The following SYT16 variants were observed in gnomAD, a reference collection of about 807,000 sequenced individuals.
SYT16 encodes the protein synaptotagmin-16.
SYT16 carries 42 observed loss-of-function variants against 61.4 expected under a neutral mutation model. That is an observed-to-expected ratio of 0.68 (90% CI 0.53 to 0.89). The LOEUF (loss-of-function observed/expected upper bound fraction) is 0.89. SYT16 is among the 40% of genes least tolerant of loss of function. The pLI is 0.00. For synonymous variants in SYT16, 314 were observed against 302.3 expected, an observed-to-expected ratio of 1.04 and a Z score of -0.40; for missense variants, 804 against 807.3, an observed-to-expected ratio of 1.00 and a Z score of 0.05.
chr14:62,097,262 G>T (rs1283810645), intron 7 of SYT16, among the ~76,000 whole-genome samples: 3 of 152,090 alleles, frequency 2.0e-5, no homozygotes, highest in African/African-American at 7.2e-5. Context: ...GCTGTCAAGG[G>T]ATTATGACCC....
At chr14:61,987,744 C>CTT (rs35325262) in intron 2 of SYT16, among the ~76,000 whole-genome samples, 904 of 65,716 alleles carry the variant, frequency 0.014, 6 homozygotes, top group African/African-American at 0.039. Flanking sequence ...GATTTTTTTC[C>CTT]TTTTTTTTTT....
chr14:61,994,430 C>G (rs1050612513), intron 2 of SYT16, among the ~76,000 whole-genome samples: 1 of 152,132 alleles, frequency 6.6e-6, no homozygotes, highest in Non-Finnish European at 1.5e-5. Context: ...CTAGGTGTTT[C>G]TGACACACCA....
chr14:61,954,459 A>G (rs999787119), intron 1 of SYT16, among the ~76,000 whole-genome samples: 1 of 152,092 alleles, frequency 6.6e-6, no homozygotes, highest in African/African-American at 2.4e-5. Context: ...AGATGGGGCT[A>G]TCCAGTGGCA....
At chr14:61,873,478 G>C (rs567407732) in intron 1 of SYT16, among the ~76,000 whole-genome samples, 4 of 151,972 alleles carry the variant, frequency 2.6e-5, no homozygotes, top group Admixed American at 2.6e-4. Flanking sequence ...CCCTTCCTTC[G>C]TACTTACTGC....
At chr14:61,894,537 C>T (rs900792011) in intron 1 of SYT16, among the ~76,000 whole-genome samples, 6 of 152,282 alleles carry the variant, frequency 3.9e-5, no homozygotes, top group African/African-American at 1.4e-4. Context: ...TGAACTCCCA[C>T]ACAGAAGGTG....
At chr14:62,080,239 C>T (rs1245011307) in intron 5 of SYT16, among the ~76,000 whole-genome samples, 1 of 152,238 alleles carries the variant, frequency 6.6e-6, no homozygotes, top group Non-Finnish European at 1.5e-5. Context: ...CCAGAAATGG[C>T]AGGATCTCAA....
intron 1 of SYT16, among the ~76,000 whole-genome samples, chr14:61,879,023 T>C (rs1319132717): frequency 2.6e-5 from 4 of 152,192 alleles, no homozygotes; most frequent in Admixed American, 2.6e-4. Context: ...GTGCTACCAC[T>C]GTAAGCTATG....
chr14:62,043,945 T>C (rs1480276606), intron 3 of SYT16, among the ~76,000 whole-genome samples: 2 of 152,144 alleles, frequency 1.3e-5, no homozygotes, highest in Admixed American at 1.3e-4. Context: ...AGTGCTGGGA[T>C]TACAGGCATG....
At chr14:62,080,575 A>T (rs1470229575) in intron 5 of SYT16, among the ~76,000 whole-genome samples, 1 of 152,244 alleles carries the variant, frequency 6.6e-6, no homozygotes, top group Admixed American at 6.5e-5. Context: ...ATATGAAAAC[A>T]CTTTGCAAAA....
intron 2 of SYT16, among the ~76,000 whole-genome samples, chr14:61,995,660 C>T (rs1332236199): frequency 6.6e-6 from 1 of 152,116 alleles, no homozygotes; most frequent in African/African-American, 2.4e-5. Flanking sequence ...GAACCCATTA[C>T]TGCTAATGGA....
At chr14:61,916,835 A>G (rs1207710166) in intron 1 of SYT16, among the ~76,000 whole-genome samples, 4 of 152,134 alleles carry the variant, frequency 2.6e-5, no homozygotes, top group Non-Finnish European at 5.9e-5. Flanking sequence ...AAGTAAGAAC[A>G]TGAGATATTT....
intron 2 of SYT16, among the ~76,000 whole-genome samples, chr14:61,977,592 T>C (rs1431828887): frequency 3.3e-5 from 5 of 152,158 alleles, no homozygotes; most frequent in African/African-American, 1.2e-4. Flanking sequence ...ATGTTTCAGT[T>C]ACCTCCACCT....
chr14:61,989,092 A>G (rs2052438507), intron 2 of SYT16, among the ~76,000 whole-genome samples: 1 of 152,184 alleles, frequency 6.6e-6, no homozygotes, highest in Non-Finnish European at 1.5e-5. Context: ...TAAGTTGTCA[A>G]AAAGCATTAT....
intron 1 of SYT16, among the ~76,000 whole-genome samples, chr14:61,914,086 C>G (rs1195837813): frequency 1.3e-5 from 2 of 152,110 alleles, no homozygotes; most frequent in African/African-American, 4.8e-5. Flanking sequence ...CATTTAAAGG[C>G]TATTGACATC....
Position 62,100,775 on chromosome 14 carries a change from G to C in SYT16, c.*68G>C, listed in dbSNP as rs899945401. Reference sequence around the variant, plus strand: ...CTGTGTTGCTGTCTACTGACACTAAGTGTCCTGGCAAGGGTTTCAGGGTTT... The same window carrying C: ...CTGTGTTGCTGTCTACTGACACTAACTGTCCTGGCAAGGGTTTCAGGGTTT... On this transcript the variant is annotated 3_prime_UTR_variant, in exon 8 of 8. Transcript: ENST00000683842. The C allele has an allele frequency of 3.9e-5, 59 of 1,509,424 alleles. No homozygotes were observed. In the African/African-American group the frequency reaches 7.6e-4, roughly 19 times the overall value. The allele number at this position is 1,509,424 out of a possible 1,614,324, so 93.5% of individuals were successfully genotyped here. A position where few individuals can be genotyped will look rare whatever the true frequency, so the allele number is the denominator to read the frequency against.
intron 1 of SYT16, among the ~76,000 whole-genome samples, chr14:61,920,524 C>T (rs1243364456): frequency 2.0e-5 from 3 of 152,136 alleles, no homozygotes; most frequent in Admixed American, 2.0e-4. Flanking sequence ...CATCCATTTC[C>T]ATGACTACAA....
rs1464588623 is a variant in SYT16 at position 62,075,180 on chromosome 14, A to G, written c.782A>G (p.Tyr261Cys). Residue 261 changes from tyrosine (Y) to cysteine (C), a missense_variant, in exon 5 of 8, where the codon TAC (tyrosine) becomes TGC (cysteine). Physicochemically the swap from Tyr to Cys is radical, Grantham distance 194. Coordinates refer to ENST00000683842, the MANE Select transcript of SYT16 (RefSeq NM_001367656.1). ...CGGCGTTATTCTGAGAATCTCTCCT[A>G]CGGTGAAGATGACCACATCCCTGCT... ...SQRRYSENLS[Y>C]GEDDHIPAHS... 6.2e-6 allele frequency: 10 copies of G among 1,612,896 alleles called. No individual in the cohort carries two copies. Among genetic ancestry groups the G allele is most frequent in the Non-Finnish European group, 8.5e-6 (10 of 1,179,358 alleles).
At chr14:62,048,279 A>G (rs895909129) in intron 3 of SYT16, among the ~76,000 whole-genome samples, 6 of 152,202 alleles carry the variant, frequency 3.9e-5, no homozygotes, top group Admixed American at 3.9e-4. Flanking sequence ...TGTTTATAGT[A>G]TTCTCTGATG....
intron 3 of SYT16, among the ~76,000 whole-genome samples, chr14:62,039,831 G>GCACA (rs1300882926): frequency 4.6e-5 from 4 of 86,862 alleles, no homozygotes; most frequent in South Asian, 4.8e-4. Flanking sequence ...AGGGGCTTAA[G>GCACA]CATACACACA....
Sources: allele counts gnomAD v4.1 joint callset (sites outside exome capture counted in the v4.1 genomes callset), GRCh38; gene constraint gnomAD v4.1.1; transcripts MANE v1.5; gene names NCBI Gene and HGNC (gene_info 2026-07-23, HGNC 2026-07-21).